The following PDE10A variants were observed in gnomAD, a reference collection of about 807,000 sequenced individuals.
PDE10A encodes the protein cAMP and cAMP-inhibited cGMP 3',5'-cyclic phosphodiesterase 10A.
A neutral mutation model predicts 97.7 loss-of-function variants in PDE10A; 39 were observed. That is an observed-to-expected ratio of 0.40 (90% CI 0.31 to 0.52). The LOEUF (loss-of-function observed/expected upper bound fraction) is 0.52, where lower values mean the gene tolerates loss of function less well. Among genes scored for constraint, PDE10A ranks in the 20% least tolerant of loss-of-function variants. The pLI is 0.56. For missense variants in PDE10A, 731 were observed against 1,047.8 expected, an observed-to-expected ratio of 0.70 and a Z score of 4.17; for synonymous variants, 371 against 376.8, an observed-to-expected ratio of 0.98 and a Z score of 0.18.
upstream of PDE10A, among the ~76,000 whole-genome samples, chr6:165,667,987 A>T (rs768011852): frequency 1.3e-5 from 2 of 152,238 alleles, no homozygotes; most frequent in Non-Finnish European, 2.9e-5. Context: ...AACAGTTTTC[A>T]GTTCTTAAAA....
chr6:165,756,544 T>G lies in PDE10A; in HGVS notation c.-614-212976A>C, dbSNP rs551916464. Among the ~76,000 whole-genome samples the G allele has an allele frequency of 3.5e-4, 53 of 152,300 alleles. No homozygotes were observed. The South Asian group carries it at 0.011, about 31-fold the overall frequency. On this transcript the variant is annotated intron_variant, in intron 1 of 19. Coordinates refer to the PDE10A transcript ENST00000366882. ...AATCATTGTATTTTTCTTTTAATAT[T>G]GTATCTTTGAGATCTTTTCCATTCC...
At chr6:165,632,434 T>C (rs911700816) in intron 1 of PDE10A, among the ~76,000 whole-genome samples, 1 of 152,114 alleles carries the variant, frequency 6.6e-6, no homozygotes, top group African/African-American at 2.4e-5. Flanking sequence ...ACCTTCTCTC[T>C]CCACTGAGAA....
chr6:165,848,409 C>T lies in PDE10A; in HGVS notation c.-615+139120G>A, dbSNP rs997459915. Among the ~76,000 whole-genome samples, 8 of 152,256 alleles carry T rather than the reference C, an allele frequency of 5.3e-5. No individual in the cohort carries two copies. In the South Asian group the frequency reaches 6.2e-4, roughly 12 times the overall value. On this transcript the variant is annotated intron_variant, in intron 1 of 19. Coordinates refer to the PDE10A transcript ENST00000366882. ...AGGCGTGGAGTGGCTTGTCACTTTA[C>T]GTCGGGCTGTTAGGGAAGGTTTTCC...
At chr6:165,925,652 ATTC>A (rs1782910571) in intron 1 of PDE10A, among the ~76,000 whole-genome samples, 1 of 152,232 alleles carries the variant, frequency 6.6e-6, no homozygotes. Context: ...TTTCAATAAC[ATTC>A]TTGAAATAAC....
chr6:165,743,175 G>GA (rs1792768028), intron 1 of PDE10A, among the ~76,000 whole-genome samples: 1 of 152,176 alleles, frequency 6.6e-6, no homozygotes, highest in Admixed American at 6.5e-5. Context: ...TAGGGAGGAA[G>GA]TCCCTCGTAT....
At chr6:165,635,714 C>T (rs1788842974) in intron 1 of PDE10A, among the ~76,000 whole-genome samples, 1 of 152,146 alleles carries the variant, frequency 6.6e-6, no homozygotes, top group Non-Finnish European at 1.5e-5. Flanking sequence ...AACAGACCTA[C>T]ACAAATCAAT....
Position 165,799,894 on chromosome 6 carries a change from C to A in PDE10A, c.-615+187635G>T, listed in dbSNP as rs148185810. ...TTTTCCTACTGCTCTGCTTGGCCCA[C>A]GCTTTCTGCAGTTAGCCAGGTCATC... On this transcript the variant is annotated intron_variant, in intron 1 of 19. Coordinates refer to the PDE10A transcript ENST00000366882. 3.0e-3 allele frequency among the ~76,000 whole-genome samples: 460 copies of A among 152,310 alleles called. 4 individuals carry two copies. The highest frequency in any genetic ancestry group is 0.01 in the African/African-American group (429 of 41,560).
At chr6:165,952,986 A>G (rs300117) in intron 1 of PDE10A, among the ~76,000 whole-genome samples, 51,774 of 152,112 alleles carry the variant, frequency 0.34, 9,313 homozygotes, top group African/African-American at 0.46. Context: ...TAAGTCCAGC[A>G]TTAGAGGAAA....
At chr6:165,570,034 A>T (rs551463285) in intron 1 of PDE10A, among the ~76,000 whole-genome samples, 1 of 152,242 alleles carries the variant, frequency 6.6e-6, no homozygotes, top group East Asian at 1.9e-4. Context: ...GTTCCTCCAA[A>T]ATTCATGTGT....
chr6:165,479,951 C>T (rs933557334), intron 3 of PDE10A, among the ~76,000 whole-genome samples: 3 of 152,174 alleles, frequency 2.0e-5, no homozygotes, highest in Non-Finnish European at 4.4e-5. Flanking sequence ...AAAACTAATT[C>T]TCCATTAAAA....
chr6:165,577,079 C>G (rs557461563), intron 1 of PDE10A, among the ~76,000 whole-genome samples: 1 of 152,190 alleles, frequency 6.6e-6, no homozygotes, highest in African/African-American at 2.4e-5. Flanking sequence ...GAAGCAGATC[C>G]AAAGGGTGTG....
intron 1 of PDE10A, among the ~76,000 whole-genome samples, chr6:165,604,144 C>T (rs1361517802): frequency 2.0e-5 from 3 of 152,136 alleles, no homozygotes; most frequent in Admixed American, 6.6e-5. Context: ...TCATTTGTAA[C>T]CTTTATCAGC....
At chr6:165,947,278 A>G (rs950049317) in intron 1 of PDE10A, 1 of 152,240 alleles carries the variant, frequency 6.6e-6, no homozygotes, top group Non-Finnish European at 1.5e-5. Flanking sequence ...ATTAGACTAC[A>G]TGTTAAGTGA....
At chr6:165,933,447 A>G (rs1409355961) in intron 1 of PDE10A, among the ~76,000 whole-genome samples, 1 of 152,238 alleles carries the variant, frequency 6.6e-6, no homozygotes, top group African/African-American at 2.4e-5. Context: ...CTTGCTGAGG[A>G]CAAATGAACT....
chr6:165,350,239 G>A lies in PDE10A; in HGVS notation c.2784-6737C>T, dbSNP rs140646364. On this transcript the variant is annotated intron_variant, in intron 18 of 21. Transcript: ENST00000539869. ...CACAGGGGCAGAGCTTCCGAAGGCCGTGGGAGCCCACCTCTTGCATCAGCA... is the reference window on the plus strand; with the variant it reads ...CACAGGGGCAGAGCTTCCGAAGGCCATGGGAGCCCACCTCTTGCATCAGCA... 2.2e-3 allele frequency among the ~76,000 whole-genome samples: 338 copies of A among 152,310 alleles called. 2 individuals carry two copies. The highest frequency in any genetic ancestry group is 0.02 in the South Asian group (96 of 4,828).
chr6:165,953,521 G>A (rs564189735), intron 1 of PDE10A, among the ~76,000 whole-genome samples: 1 of 151,916 alleles, frequency 6.6e-6, no homozygotes, highest in African/African-American at 2.4e-5. Context: ...AACCCAGGAA[G>A]CGGAGGTTGC....
intron 2 of PDE10A, among the ~76,000 whole-genome samples, chr6:165,487,700 A>G (rs939553840): frequency 2.0e-5 from 3 of 152,178 alleles, no homozygotes; most frequent in Admixed American, 6.5e-5. Context: ...AAATAAGTTA[A>G]CAATATAAAT....
chr6:165,883,547 A>AAT (rs199818306), intron 1 of PDE10A, among the ~76,000 whole-genome samples: 1 of 73,200 alleles, frequency 1.4e-5, no homozygotes, highest in Non-Finnish European at 2.8e-5. Flanking sequence ...CTCAAAAAAA[A>AAT]AAAAAATAAA....
At chr6:165,985,957 A>G (rs748050494) in intron 1 of PDE10A, among the ~76,000 whole-genome samples, 1 of 150,346 alleles carries the variant, frequency 6.7e-6, no homozygotes, top group Admixed American at 6.7e-5. Context: ...GTAAAATCCC[A>G]TCTGTGGGGG....
Sources: allele counts gnomAD v4.1 joint callset (sites outside exome capture counted in the v4.1 genomes callset), GRCh38; gene constraint gnomAD v4.1.1; transcripts MANE v1.5; gene names NCBI Gene and HGNC (gene_info 2026-07-23, HGNC 2026-07-21).